GRXCR1: variants seen among roughly 807,000 people sequenced by gnomAD.
GRXCR1 encodes the protein glutaredoxin and cysteine rich domain containing 1, also known as glutaredoxin domain-containing cysteine-rich protein 1.
GRXCR1 carries 27 observed loss-of-function variants against 27.3 expected under a neutral mutation model. That is an observed-to-expected ratio of 0.99 (90% CI 0.73 to 1.37). GRXCR1 has a LOEUF of 1.37. GRXCR1 is among the 40% of genes most tolerant of loss of function. The probability of loss-of-function intolerance (pLI) is 0.00; values close to 1 mark genes in which losing one functional copy is unlikely to be tolerated. For missense variants in GRXCR1, 379 were observed against 354.4 expected, an observed-to-expected ratio of 1.07 and a Z score of -0.56; for synonymous variants, 122 against 131.1, an observed-to-expected ratio of 0.93 and a Z score of 0.47.
At chr4:42,896,625 C>A (rs1022044693) in intron 1 of GRXCR1, among the ~76,000 whole-genome samples, 3 of 152,010 alleles carry the variant, frequency 2.0e-5, no homozygotes, top group Non-Finnish European at 4.4e-5. Context: ...TAGAATCTAG[C>A]CATGACTGTG....
chr4:42,932,664 A>AGAGG (rs1553939857), intron 1 of GRXCR1, among the ~76,000 whole-genome samples: 14 of 107,910 alleles, frequency 1.3e-4, no homozygotes, highest in African/African-American at 5.0e-4. Flanking sequence ...AGAGAGAGAG[A>AGAGG]GGCAATCTGT....
At chr4:42,970,461 G>A (rs1748359483) in intron 2 of GRXCR1, among the ~76,000 whole-genome samples, 1 of 152,122 alleles carries the variant, frequency 6.6e-6, no homozygotes, top group Non-Finnish European at 1.5e-5. Flanking sequence ...CTAAGAGGAG[G>A]TTCCCAAACC....
At chr4:42,971,099 A>G (rs1748375989) in intron 2 of GRXCR1, among the ~76,000 whole-genome samples, 1 of 152,130 alleles carries the variant, frequency 6.6e-6, no homozygotes, top group Non-Finnish European at 1.5e-5. Context: ...TCTCTTTGCT[A>G]TAGAGTGACC....
intron 2 of GRXCR1, among the ~76,000 whole-genome samples, chr4:43,017,721 G>A (rs1712970320): frequency 6.6e-6 from 1 of 152,104 alleles, no homozygotes; most frequent in African/African-American, 2.4e-5. Flanking sequence ...ATTGAATGGT[G>A]GAGTGTATGT....
At chr4:42,902,853 G>A (rs1577898448) in intron 1 of GRXCR1, among the ~76,000 whole-genome samples, 1 of 152,104 alleles carries the variant, frequency 6.6e-6, no homozygotes, top group South Asian at 2.1e-4. Flanking sequence ...AAAAGTTGAA[G>A]AAAAATGAAG....
intron 2 of GRXCR1, among the ~76,000 whole-genome samples, chr4:43,000,674 T>C (rs1201450076): frequency 6.6e-6 from 1 of 151,710 alleles, no homozygotes; most frequent in African/African-American, 2.4e-5. Flanking sequence ...TAGAGGTATA[T>C]ATATATATAC....
At chr4:42,960,479 C>T (rs185288151) in intron 1 of GRXCR1, among the ~76,000 whole-genome samples, 26 of 151,966 alleles carry the variant, frequency 1.7e-4, no homozygotes, top group African/African-American at 6.3e-4. Flanking sequence ...ATCAGTGTTT[C>T]TAAATCAAAA....
At chr4:42,999,930 C>A (rs779648670) in intron 2 of GRXCR1, among the ~76,000 whole-genome samples, 16 of 152,146 alleles carry the variant, frequency 1.1e-4, no homozygotes, top group Non-Finnish European at 2.4e-4. Context: ...CTTTGTTCAC[C>A]TTTCGTGATA....
chr4:43,004,141 G>T (rs1342322813), intron 2 of GRXCR1, among the ~76,000 whole-genome samples: 1 of 152,236 alleles, frequency 6.6e-6, no homozygotes, highest in Non-Finnish European at 1.5e-5. Flanking sequence ...ATGACTAAAA[G>T]GGGACAAGGT....
chr4:42,909,759 C>A (rs1187666047), intron 1 of GRXCR1, among the ~76,000 whole-genome samples: 1 of 152,100 alleles, frequency 6.6e-6, no homozygotes, highest in Non-Finnish European at 1.5e-5. Context: ...TCATGTTACT[C>A]CCCTGCTAAA....
intron 1 of GRXCR1, among the ~76,000 whole-genome samples, chr4:42,904,540 G>C (rs1746540330): frequency 6.6e-6 from 1 of 152,118 alleles, no homozygotes; most frequent in Non-Finnish European, 1.5e-5. Flanking sequence ...ACTTTTCCTA[G>C]TTGTTTAATG....
intron 1 of GRXCR1, among the ~76,000 whole-genome samples, chr4:42,903,060 CA>C (rs143492369): frequency 0.032 from 4,899 of 152,188 alleles, 109 homozygotes; most frequent in Middle Eastern, 0.071. Flanking sequence ...TTCTAGAACT[CA>C]GGAGGTTTCA....
chr4:42,945,074 A>T (rs1393108897), intron 1 of GRXCR1, among the ~76,000 whole-genome samples: 1 of 152,128 alleles, frequency 6.6e-6, no homozygotes, highest in African/African-American at 2.4e-5. Context: ...GCGCTCTTAT[A>T]AAAGAGGCCA....
rs1486403070 is a variant in GRXCR1 at position 42,982,490 on chromosome 4, A to G, written c.627+19356A>G. ...TTTGGGTTGGTTCCAAGTCTTTGCT[A>G]TTGTGAATAATGCTGCAATAAACAT... On this transcript the variant is annotated intron_variant, in intron 2 of 3. Coordinates refer to ENST00000399770, the MANE Select transcript of GRXCR1 (RefSeq NM_001080476.3). 3.2e-3 allele frequency among the ~76,000 whole-genome samples: 386 copies of G among 120,272 alleles called. 4 individuals carry two copies. Among genetic ancestry groups the G allele is most frequent in the South Asian group, 0.013 (37 of 2,958 alleles). The allele number at this position is 120,272 out of a possible 152,430, so 78.9% of individuals were successfully genotyped here. A position where few individuals can be genotyped will look rare whatever the true frequency, so the allele number is the denominator to read the frequency against.
chr4:42,924,397 T>C (rs922393541), intron 1 of GRXCR1, among the ~76,000 whole-genome samples: 2 of 152,030 alleles, frequency 1.3e-5, no homozygotes, highest in Non-Finnish European at 2.9e-5. Flanking sequence ...ACACTCAAAG[T>C]ATCTCTGCAG....
In GRXCR1 at chr4:42,947,738, AT is replaced by A. The variant is rs111486961; in HGVS notation, c.385-15148del. The stretch of plus-strand genomic sequence containing the variant: ...ACAATTCCCAATGTTTCCAGAAATA[AT>A]TTTTTCTTCCTTCTGATAATGATAT... On this transcript the variant is annotated intron_variant, in intron 1 of 3. Coordinates refer to ENST00000399770, the MANE Select transcript of GRXCR1 (RefSeq NM_001080476.3). Among the ~76,000 whole-genome samples the A allele has an allele frequency of 8.6e-3, 1,302 of 152,236 alleles. 18 individuals carry two copies. The highest frequency in any genetic ancestry group is 0.03 in the African/African-American group (1,245 of 41,554).
chr4:42,960,550 G>GT (rs1295214573), intron 1 of GRXCR1, among the ~76,000 whole-genome samples: 1 of 151,330 alleles, frequency 6.6e-6, no homozygotes. Context: ...ACTTATATTT[G>GT]TTTTTTTAAT....
At chr4:43,021,765 A>G (rs528610470) in intron 3 of GRXCR1, among the ~76,000 whole-genome samples, 4 of 152,322 alleles carry the variant, frequency 2.6e-5, no homozygotes, top group Admixed American at 1.3e-4. Flanking sequence ...ATAATTTACT[A>G]TGGTCTGATT....
chr4:42,930,189 A>G lies in GRXCR1; in HGVS notation c.385-32703A>G, dbSNP rs186592986. On this transcript the variant is annotated intron_variant, in intron 1 of 3. Coordinates refer to ENST00000399770, the MANE Select transcript of GRXCR1 (RefSeq NM_001080476.3). ...GCAGTCCTGTATCAGAGTGTTACCA[A>G]AGGTTGGGAGACTAGGGGAAGGGAT... Among the ~76,000 whole-genome samples, 154 of 152,082 alleles carry G rather than the reference A, an allele frequency of 1.0e-3. 2 individuals carry two copies. Among genetic ancestry groups the G allele is most frequent in the African/African-American group, 3.5e-3 (147 of 41,532 alleles).
Sources: allele counts gnomAD v4.1 joint callset (sites outside exome capture counted in the v4.1 genomes callset), GRCh38; gene constraint gnomAD v4.1.1; transcripts MANE v1.5; gene names NCBI Gene and HGNC (gene_info 2026-07-23, HGNC 2026-07-21).